The following MPHOSPH10 variants were observed in gnomAD, a reference collection of about 807,000 sequenced individuals.
The protein encoded by MPHOSPH10 is U3 small nucleolar ribonucleoprotein MPP10.
Under a neutral mutation model 77.3 loss-of-function variants are expected in MPHOSPH10, and 33 were observed. That is an observed-to-expected ratio of 0.43 (90% CI 0.32 to 0.57). The LOEUF (loss-of-function observed/expected upper bound fraction) is 0.57, where lower values mean the gene tolerates loss of function less well. MPHOSPH10 is among the 20% of genes least tolerant of loss of function. MPHOSPH10 has a pLI of 0.07. For synonymous variants in MPHOSPH10, 245 were observed against 268.0 expected, an observed-to-expected ratio of 0.91 and a Z score of 0.84; for missense variants, 708 against 780.1, an observed-to-expected ratio of 0.91 and a Z score of 1.10.
At chr2:71,141,129 A>G in intron 6 of MPHOSPH10, 103 bp from the exon 7 acceptor site, 3 of 486,214 alleles carry the variant, frequency 6.2e-6, no homozygotes, top group East Asian at 1.9e-4. Context: ...TTATTAATAT[A>G]TTGATAATAT....
In MPHOSPH10 at chr2:71,141,298, A is replaced by G; in HGVS notation, c.1375A>G (p.Thr459Ala). 2 of 1,574,512 alleles carry G rather than the reference A, an allele frequency of 1.3e-6. No homozygotes were observed. Among genetic ancestry groups the G allele is most frequent in the Middle Eastern group, 1.7e-4 (1 of 5,972 alleles). Reference protein sequence around the residue: ...EDAYEYKKRLTLDHEKSKLSL... With the variant: ...EDAYEYKKRLALDHEKSKLSL... ...TGCATATGAATATAAAAAGCGTTTA[A>G]CCTTAGACCATGAGAAGAGTAAATT... is the stretch of plus-strand genomic sequence containing the variant. Residue 459 changes from threonine (T) to alanine (A), a missense_variant, in exon 7 of 11, where the codon ACC becomes GCC. By Grantham distance (58) the Thr-to-Ala change is moderately conservative. Transcript: ENST00000244230.
At position 71,134,661 on chromosome 2, in the gene MPHOSPH10, A is replaced by G. The variant is rs1181028243; in HGVS notation, c.962A>G (p.Asn321Ser). The G allele has an allele frequency of 1.9e-6, 3 of 1,610,060 alleles. No homozygotes were observed. Among genetic ancestry groups the G allele is most frequent in the South Asian group, 1.1e-5 (1 of 89,950 alleles). The change falls in exon 4 of 11, where the codon AAT (asparagine) becomes AGT (serine). Residue 321 changes from asparagine to serine, a missense_variant. Around this residue, in one of 3 missense-constraint regions of MPHOSPH10, gnomAD observed 433 missense variants for 432.6 expected, o/e 1.00. Transcript: ENST00000244230. ...EDDDLQENED[N>S]KQHKESLKRV... ...GATGACCTTCAAGAAAATGAAGACA[A>G]TAAACAACATAAAGAAAGCTTGAAA...
intron 4 of MPHOSPH10, among the ~76,000 whole-genome samples, chr2:71,136,951 CACACACACAG>C (rs1362861522): frequency 6.9e-6 from 1 of 144,758 alleles, no homozygotes; most frequent in African/African-American, 2.6e-5. Flanking sequence ...CACACACACA[CACACACACAG>C]AGCACAGTCT....
chr2:71,141,423 A>C, intron 7 of MPHOSPH10, 54 bp downstream of exon 7: 2 of 1,355,788 alleles, frequency 1.5e-6, no homozygotes, highest in Non-Finnish European at 1.9e-6. Flanking sequence ...GAAGTAGAGA[A>C]CTAGGCTTTT....
chr2:71,134,801 A>G lies in MPHOSPH10; in HGVS notation c.1098+4A>G. 2 of 1,549,846 alleles carry G rather than the reference A, an allele frequency of 1.3e-6. No individual in the cohort carries two copies. Among genetic ancestry groups the G allele is most frequent in the Non-Finnish European group, 1.8e-6 (2 of 1,140,258 alleles). The stretch of plus-strand genomic sequence containing the variant: ...CTTTGAAAAAAGACAGGAAAAGGTA[A>G]TTAGTAATTTAAGGAATTTTTAATA... On this transcript the variant is annotated splice_donor_region_variant and intron_variant, in intron 4 of 10. Transcript: ENST00000244230.
chr2:71,139,971 C>T, intron 6 of MPHOSPH10, 109 bp downstream of exon 6: 1 of 783,152 alleles, frequency 1.3e-6, no homozygotes, highest in East Asian at 2.8e-5. Context: ...ACTTAGTGTT[C>T]ACAAACCTTA....
At chr2:71,143,638 C>G (rs879527731) in intron 7 of MPHOSPH10, among the ~76,000 whole-genome samples, 1 of 152,088 alleles carries the variant, frequency 6.6e-6, no homozygotes, top group Non-Finnish European at 1.5e-5. Context: ...TGCCCCAGCC[C>G]CAACAAACCC....
At chr2:71,133,710 G>T (rs2103661226) in intron 2 of MPHOSPH10, 134 bp downstream of exon 2, 2 of 1,054,092 alleles carry the variant, frequency 1.9e-6, no homozygotes, top group Admixed American at 3.1e-5. Flanking sequence ...AGTTATAAAT[G>T]AATCTGTACT....
intron 7 of MPHOSPH10, among the ~76,000 whole-genome samples, chr2:71,141,703 C>T (rs1262864875): frequency 6.6e-6 from 1 of 152,078 alleles, no homozygotes; most frequent in Non-Finnish European, 1.5e-5. Context: ...TGAATTCATT[C>T]TGATTTTTAG....
intron 5 of MPHOSPH10, chr2:71,139,033 A>C: frequency 4.8e-6 from 2 of 417,762 alleles, no homozygotes; most frequent in East Asian, 4.3e-5. Context: ...ACAGAGCGAC[A>C]CTCTGTCAAA....
intron 7 of MPHOSPH10, among the ~76,000 whole-genome samples, chr2:71,142,862 T>C (rs1292923252): frequency 6.6e-6 from 1 of 152,224 alleles, no homozygotes; most frequent in Non-Finnish European, 1.5e-5. Flanking sequence ...CGTTTCCTAG[T>C]TCTGGTGGGT....
chr2:71,140,161 A>C (rs1347767971), intron 6 of MPHOSPH10, among the ~76,000 whole-genome samples: 1 of 152,104 alleles, frequency 6.6e-6, no homozygotes, highest in East Asian at 1.9e-4. Context: ...TGCACCCAGA[A>C]CCCTTGGCTT....
intron 4 of MPHOSPH10, among the ~76,000 whole-genome samples, chr2:71,136,613 G>A (rs1476438226): frequency 6.6e-6 from 1 of 151,982 alleles, no homozygotes; most frequent in Non-Finnish European, 1.5e-5. Flanking sequence ...TTAAATCCAT[G>A]GTTGTCAGAT....
intron 9 of MPHOSPH10, chr2:71,148,533 A>G (rs1673759136): frequency 1.2e-5 from 2 of 167,382 alleles, no homozygotes; most frequent in Admixed American, 1.1e-4. Context: ...AGAAGAGGCT[A>G]GATATATCAA....
chr2:71,141,438 A>G (rs2103673466), intron 7 of MPHOSPH10, 69 bp downstream of exon 7: 1 of 1,276,468 alleles, frequency 7.8e-7, no homozygotes, highest in Non-Finnish European at 1.0e-6. Flanking sequence ...GCTTTTTGTG[A>G]CTGTTGAAAT....
In MPHOSPH10 at chr2:71,138,608, A is replaced by C. The variant is rs1472182868; in HGVS notation, c.1217A>C (p.His406Pro). 1.9e-6 allele frequency: 3 copies of C among 1,614,160 alleles called. No individual in the cohort carries two copies. Among genetic ancestry groups the C allele is most frequent in the East Asian group, 4.5e-5 (2 of 44,892 alleles). Reference protein sequence around the residue: ...PENSLLEETLHFDHAVRMAPV... With the variant: ...PENSLLEETLPFDHAVRMAPV... ...AACAGCCTCCTGGAGGAGACCCTAC[A>C]CTTTGACCATGCTGTCCGGATGGGT... is the stretch of plus-strand genomic sequence containing the variant. The change falls in exon 5 of 11, where the codon CAC becomes CCC. Residue 406 changes from histidine (H) to proline (P), a missense_variant. Transcript: ENST00000244230.
chr2:71,135,702 C>CT (rs781167523), intron 4 of MPHOSPH10, among the ~76,000 whole-genome samples: 6,779 of 130,654 alleles, frequency 0.052, 601 homozygotes, highest in East Asian at 0.41. Context: ...TTTTCTTTTT[C>CT]TTTTTTTTTT....
At position 71,149,436 on chromosome 2, in the gene MPHOSPH10, A is replaced by G; in HGVS notation, c.1879A>G (p.Lys627Glu). ...GTTAAAACAGCTGACCAAAACTGGC[A>G]AAGCTTCCTTCATAAAGGTAAGGAC... ...EKLKQLTKTG[K>E]ASFIKDEGKD... Residue 627 changes from lysine (K) to glutamate (E), a missense_variant, in exon 10 of 11, where the codon AAA (lysine) becomes GAA (glutamate). Lys to Glu is a moderately conservative substitution (Grantham distance 56). Around this residue, in one of 3 missense-constraint regions of MPHOSPH10, gnomAD observed 263 missense variants for 320.0 expected, o/e 0.82. Transcript: ENST00000244230. The G allele has an allele frequency of 2.5e-6, 4 of 1,613,728 alleles. No individual in the cohort carries two copies. The highest frequency in any genetic ancestry group is 3.4e-6 in the Non-Finnish European group (4 of 1,179,918).
chr2:71,145,273 G>A (rs548799852), intron 8 of MPHOSPH10, among the ~76,000 whole-genome samples: 14 of 152,294 alleles, frequency 9.2e-5, no homozygotes, highest in African/African-American at 3.4e-4. Context: ...TGCCTGTGTT[G>A]TTGTCTGAAA....
Sources: allele counts gnomAD v4.1 joint callset (sites outside exome capture counted in the v4.1 genomes callset), GRCh38; gene constraint gnomAD v4.1.1; regional missense constraint gnomAD v4.1.1; transcripts MANE v1.5; gene names NCBI Gene and HGNC (gene_info 2026-07-23, HGNC 2026-07-21).